BPIFC: variants seen among roughly 807,000 people sequenced by gnomAD.
BPIFC encodes the protein BPI fold containing family C.
In BPIFC, 60 loss-of-function variants were observed where a neutral mutation model predicts 57.6. That is an observed-to-expected ratio of 1.04 (90% CI 0.85 to 1.29). BPIFC has a LOEUF of 1.29. Ranked by LOEUF, BPIFC falls within the 50% of genes most tolerant of loss-of-function variation. The pLI, the probability that BPIFC is intolerant of heterozygous loss-of-function variation, is 0.00. For synonymous variants in BPIFC, 243 were observed against 224.5 expected (o/e 1.08, Z -0.74); for missense variants, 581 against 600.5 (o/e 0.97, Z 0.34).
chr22:32,428,511 A>G (rs1456164752), intron 13 of BPIFC, among the ~76,000 whole-genome samples: 2 of 152,178 alleles, frequency 1.3e-5, no homozygotes, highest in Non-Finnish European at 2.9e-5. Context: ...AGAAGTCAGG[A>G]CTGCTTTGAA....
chr22:32,453,007 A>C (rs1056271602), intron 4 of BPIFC, among the ~76,000 whole-genome samples: 16 of 152,222 alleles, frequency 1.1e-4, no homozygotes, highest in Admixed American at 1.0e-3. Flanking sequence ...TTGGAAAACT[A>C]GTTTTCCAGT....
At chr22:32,424,694 TCTTCTTCTTCC>T in intron 13 of BPIFC, among the ~76,000 whole-genome samples, 7 of 56,784 alleles carry the variant, frequency 1.2e-4, no homozygotes, top group Non-Finnish European at 2.1e-4. Context: ...TTCTTCTTCC[TCTTCTTCTTCC>T]TCTTCTTCTT....
At chr22:32,418,843 C>T (rs1933756505) in intron 14 of BPIFC, among the ~76,000 whole-genome samples, 1 of 151,974 alleles carries the variant, frequency 6.6e-6, no homozygotes, top group Admixed American at 6.6e-5. Context: ...AAGGGGGATT[C>T]CAAGTCACAT....
chr22:32,435,875 T>C lies in BPIFC; in HGVS notation c.753A>G (p.Val251=). The stretch of plus-strand genomic sequence containing the variant: ...CGGTGAGGTTTTCCAGTGGGTAGAA[T>C]ACACCCTGTGGGAAAAGAGAGAGAA... ...ENYLDLNLKG[V]FYPLENLTDP... is the part of the protein sequence containing the mutation. The change falls in exon 10 of 17, where the codon GTA becomes GTG. Residue 251 remains valine (V), a synonymous_variant. Transcript: ENST00000300399. The C allele has an allele frequency of 6.2e-7, 1 of 1,611,314 alleles. No individual in the cohort carries two copies. The highest frequency in any genetic ancestry group is 8.5e-7 in the Non-Finnish European group (1 of 1,179,300).
intron 9 of BPIFC, among the ~76,000 whole-genome samples, chr22:32,436,667 G>A (rs1934411829): frequency 6.6e-6 from 1 of 152,210 alleles, no homozygotes; most frequent in African/African-American, 2.4e-5. Flanking sequence ...AAAGAAGGAG[G>A]TGTATTTAGC....
intron 2 of BPIFC, 100 bp downstream of exon 2, chr22:32,461,474 G>T: frequency 1.7e-6 from 1 of 572,296 alleles, no homozygotes; most frequent in Non-Finnish European, 2.2e-6. Context: ...GAAGGTTGGA[G>T]GAAATGTGGT....
chr22:32,422,691 G>A (rs1435911373), intron 13 of BPIFC, among the ~76,000 whole-genome samples: 3 of 151,990 alleles, frequency 2.0e-5, no homozygotes, highest in Non-Finnish European at 4.4e-5. Flanking sequence ...CTGGGCGACA[G>A]AGCAAGACTA....
chr22:32,433,413 G>T (rs570558696), intron 11 of BPIFC, among the ~76,000 whole-genome samples: 1 of 152,068 alleles, frequency 6.6e-6, no homozygotes, highest in East Asian at 2.0e-4. Flanking sequence ...CTTCATTTAA[G>T]AATTGAATCC....
chr22:32,457,098 C>T lies in BPIFC; in HGVS notation c.124+165G>A, dbSNP rs569102451. On this transcript the variant is annotated intron_variant, in intron 3 of 16. Coordinates refer to ENST00000300399, the MANE Select transcript of BPIFC (RefSeq NM_174932.3). The stretch of plus-strand genomic sequence containing the variant: ...ATCAAGTTGACTATTTTTTAGGCAA[C>T]GCTTTCTTCGCAGCCATCTTAGCAG... Among the ~76,000 whole-genome samples the T allele has an allele frequency of 3.0e-4, 45 of 152,292 alleles. 1 individual carries two copies. Among genetic ancestry groups the T allele is most frequent in the Admixed American group, 1.2e-3 (18 of 15,308 alleles).
chr22:32,452,144 C>T lies in BPIFC; in HGVS notation c.245+1239G>A, dbSNP rs373600972. The stretch of plus-strand genomic sequence containing the variant: ...CTCAAACTCCTGAGCTCAAGTGATC[C>T]TCCCACCTCGGCCTCCCAAAGGGTT... On this transcript the variant is annotated intron_variant, in intron 4 of 16. Coordinates refer to ENST00000300399, the MANE Select transcript of BPIFC (RefSeq NM_174932.3). 1.1e-3 allele frequency among the ~76,000 whole-genome samples: 163 copies of T among 152,278 alleles called. 5 individuals are homozygous for T. In the South Asian group the frequency reaches 0.03, roughly 28 times the overall value.
intron 13 of BPIFC, among the ~76,000 whole-genome samples, chr22:32,424,659 CTTCT>C: frequency 1.5e-5 from 1 of 65,350 alleles, no homozygotes; most frequent in South Asian, 5.7e-4. Context: ...TCTTCTTCTT[CTTCT>C]TCTTCTTCTT....
chr22:32,435,064 C>T (rs1422793378), intron 10 of BPIFC, among the ~76,000 whole-genome samples: 1 of 152,162 alleles, frequency 6.6e-6, no homozygotes, highest in Non-Finnish European at 1.5e-5. Flanking sequence ...GAATGCTTGA[C>T]ATGTATTTAA....
At position 32,419,420 on chromosome 22, in the gene BPIFC, A is replaced by T; in HGVS notation, c.1218-16T>A. 1 of 1,611,416 alleles carries T rather than the reference A, an allele frequency of 6.2e-7. No individual in the cohort carries two copies. Among genetic ancestry groups the T allele is most frequent in the Non-Finnish European group, 8.5e-7 (1 of 1,177,786 alleles). ...AAGGCGGAATCTAAAAGAAAACAAG[A>T]AAAGTTTAAAGGATTTGAAAACAAC... On this transcript the variant is annotated splice_polypyrimidine_tract_variant and intron_variant, in intron 13 of 16. Coordinates refer to ENST00000300399, the MANE Select transcript of BPIFC (RefSeq NM_174932.3).
chr22:32,446,026 C>T (rs1446390434), intron 5 of BPIFC, 30 bp from the exon 6 acceptor site: 2 of 1,609,888 alleles, frequency 1.2e-6, no homozygotes, highest in East Asian at 2.2e-5. Context: ...GTTATCCAAG[C>T]CTGAGTCAGG....
Position 32,454,514 on chromosome 22 carries a change from T to C in BPIFC, c.125-1011A>G, listed in dbSNP as rs539729331. Reference sequence around the variant, plus strand: ...CACACGACACATTTCTCTGAGCTCATTGGGGAAAAGAGACCTCTCCCACAT... The same window carrying C: ...CACACGACACATTTCTCTGAGCTCACTGGGGAAAAGAGACCTCTCCCACAT... On this transcript the variant is annotated intron_variant, in intron 3 of 16. Transcript: ENST00000300399. Among the ~76,000 whole-genome samples, 95 of 152,286 alleles carry C rather than the reference T, an allele frequency of 6.2e-4. 1 individual carries two copies. The highest frequency in any genetic ancestry group is 2.1e-3 in the African/African-American group (88 of 41,564).
At chr22:32,461,708 A>G (rs953759166) in intron 1 of BPIFC, 47 bp from the exon 2 acceptor site, 75 of 929,836 alleles carry the variant, frequency 8.1e-5, no homozygotes, top group Non-Finnish European at 1.4e-5. Flanking sequence ...TGAGGAGAAC[A>G]CTTCTGGGAC....
At chr22:32,453,899 A>G (rs1320680324) in intron 3 of BPIFC, among the ~76,000 whole-genome samples, 1 of 152,046 alleles carries the variant, frequency 6.6e-6, no homozygotes, top group Non-Finnish European at 1.5e-5. Flanking sequence ...TCTGGGAAAC[A>G]TTGAGATCCT....
rs549052381 is a variant in BPIFC at position 32,456,242 on chromosome 22, C to G, written c.124+1021G>C. Among the ~76,000 whole-genome samples the G allele has an allele frequency of 5.3e-5, 8 of 152,352 alleles. No homozygotes were observed. The South Asian group carries it at 1.4e-3, about 28-fold the overall frequency. On this transcript the variant is annotated intron_variant, in intron 3 of 16. Coordinates refer to ENST00000300399, the MANE Select transcript of BPIFC (RefSeq NM_174932.3). ...CAAGATACACACACATGCATATACA[C>G]ATACATATATTCCTGGTACGTATTT...
At position 32,419,358 on chromosome 22, in the gene BPIFC, C is replaced by T. The variant is rs1933769502; in HGVS notation, c.1260+4G>A. ...TTGGTAACCCCAAGAGCTCAGATTC[C>T]TACCTCAATGTTGCTGCGATTGGAC... is the stretch of plus-strand genomic sequence containing the variant. On this transcript the variant is annotated splice_donor_region_variant and intron_variant, in intron 14 of 16. Transcript: ENST00000300399. The T allele has an allele frequency of 6.2e-7, 1 of 1,613,170 alleles. No individual in the cohort carries two copies. Among genetic ancestry groups the T allele is most frequent in the East Asian group, 2.2e-5 (1 of 44,874 alleles).
Sources: allele counts gnomAD v4.1 joint callset (sites outside exome capture counted in the v4.1 genomes callset), GRCh38; gene constraint gnomAD v4.1.1; transcripts MANE v1.5; gene names NCBI Gene and HGNC (gene_info 2026-07-23, HGNC 2026-07-21).